Variants in LRP1B observed in about 807,000 individuals in gnomAD.
The protein encoded by LRP1B is LDL receptor related protein 1B.
In LRP1B, 217 loss-of-function variants were observed where a neutral mutation model predicts 556.6. The observed-to-expected ratio is 0.39, with a 90% CI of 0.35 to 0.44. LRP1B has a LOEUF of 0.44. LRP1B is among the 20% of genes least tolerant of loss of function. The pLI is 1.00. For missense variants in LRP1B, 5,053 were observed against 5,620.8 expected (o/e 0.90, Z 3.23); for synonymous variants, 2,047 against 1,865.8 (o/e 1.10, Z -2.50).
At chr2:140,612,367 C>G (rs1477976335) in intron 41 of LRP1B, among the ~76,000 whole-genome samples, 2 of 152,032 alleles carry the variant, frequency 1.3e-5, no homozygotes, top group African/African-American at 4.8e-5. Context: ...ATTTGTATTT[C>G]TTACTAGCAT....
chr2:141,865,186 T>C lies in LRP1B; in HGVS notation c.83-54785A>G, dbSNP rs570383131. ...CATTTTTGTTTGTTTTTCTCTGCATTGTGGTTGTATCTCTCCTCCTTCCCC... is the reference window on the plus strand; with the variant it reads ...CATTTTTGTTTGTTTTTCTCTGCATCGTGGTTGTATCTCTCCTCCTTCCCC... On this transcript the variant is annotated intron_variant, in intron 1 of 90. Coordinates refer to ENST00000389484, the MANE Select transcript of LRP1B (RefSeq NM_018557.3). Among the ~76,000 whole-genome samples, 251 of 152,276 alleles carry C rather than the reference T, an allele frequency of 1.6e-3. 2 individuals carry two copies. Among genetic ancestry groups the C allele is most frequent in the African/African-American group, 5.8e-3 (240 of 41,562 alleles).
chr2:140,722,491 T>G (rs1192644281), intron 35 of LRP1B, among the ~76,000 whole-genome samples: 1 of 152,184 alleles, frequency 6.6e-6, no homozygotes, highest in Non-Finnish European at 1.5e-5. Context: ...ACTCTCCCCT[T>G]CATATCTGGC....
chr2:141,514,453 G>C (rs2105158937), intron 2 of LRP1B, among the ~76,000 whole-genome samples: 1 of 152,248 alleles, frequency 6.6e-6, no homozygotes, highest in Admixed American at 6.5e-5. Context: ...TATTGCATGT[G>C]TTTTGTTGTG....
intron 2 of LRP1B, among the ~76,000 whole-genome samples, chr2:141,538,763 C>T (rs1685148684): frequency 6.6e-6 from 1 of 152,004 alleles, no homozygotes; most frequent in Admixed American, 6.6e-5. Flanking sequence ...TTTAGCCTCC[C>T]AAGTAGCTGG....
intron 1 of LRP1B, among the ~76,000 whole-genome samples, chr2:142,081,774 C>T (rs1323163284): frequency 6.6e-6 from 1 of 152,122 alleles, no homozygotes; most frequent in Admixed American, 6.5e-5. Context: ...CCACCATGCC[C>T]AGCTATTTTT....
chr2:141,465,230 A>T (rs1190929530), intron 3 of LRP1B, among the ~76,000 whole-genome samples: 1 of 152,186 alleles, frequency 6.6e-6, no homozygotes, highest in Non-Finnish European at 1.5e-5. Flanking sequence ...AAAAGGCTCA[A>T]GTGTAAGCTT....
chr2:141,892,979 A>T (rs1248148225), intron 1 of LRP1B, among the ~76,000 whole-genome samples: 2 of 152,248 alleles, frequency 1.3e-5, no homozygotes, highest in East Asian at 3.9e-4. Flanking sequence ...ATTGGAAGAA[A>T]TGTTTTAATC....
intron 1 of LRP1B, among the ~76,000 whole-genome samples, chr2:141,831,457 C>T (rs1697109115): frequency 6.6e-6 from 1 of 151,526 alleles, no homozygotes; most frequent in African/African-American, 2.4e-5. Flanking sequence ...TTTCTGTTCT[C>T]ACAATTCAAA....
At chr2:141,333,859 C>T (rs997913829) in intron 3 of LRP1B, among the ~76,000 whole-genome samples, 2 of 152,050 alleles carry the variant, frequency 1.3e-5, no homozygotes, top group African/African-American at 4.8e-5. Flanking sequence ...GCAGAAGTGT[C>T]TCAGAGTGTG....
chr2:141,925,543 T>C (rs1700312119), intron 1 of LRP1B, among the ~76,000 whole-genome samples: 1 of 152,154 alleles, frequency 6.6e-6, no homozygotes, highest in South Asian at 2.1e-4. Context: ...ATTGTTACAA[T>C]TTGCATCTGA....
At chr2:141,596,807 G>C (rs914355758) in intron 2 of LRP1B, among the ~76,000 whole-genome samples, 1 of 151,812 alleles carries the variant, frequency 6.6e-6, no homozygotes, top group Non-Finnish European at 1.5e-5. Flanking sequence ...TTCATAATAA[G>C]GTAACAGGAA....
At chr2:140,510,835 T>G (rs1396737109) in intron 51 of LRP1B, among the ~76,000 whole-genome samples, 1 of 152,204 alleles carries the variant, frequency 6.6e-6, no homozygotes, top group Admixed American at 6.5e-5. Context: ...AAAGGGTTCC[T>G]CTTTCCTTCC....
rs575598720 is a variant in LRP1B at position 140,255,732 on chromosome 2, CAT to C, written c.13248-8572_13248-8571del. 9.9e-5 allele frequency among the ~76,000 whole-genome samples: 15 copies of C among 152,102 alleles called. No individual in the cohort carries two copies. The East Asian group carries it at 2.9e-3, about 29-fold the overall frequency. On this transcript the variant is annotated intron_variant, in intron 86 of 90. Coordinates refer to ENST00000389484, the MANE Select transcript of LRP1B (RefSeq NM_018557.3). ...AATGCACATACATATACAGAGGTCT[CAT>C]ATATGTGTGCATTCCCTATTCTGCA...
intron 2 of LRP1B, among the ~76,000 whole-genome samples, chr2:141,581,116 A>G (rs927026397): frequency 2.6e-5 from 4 of 152,200 alleles, no homozygotes; most frequent in African/African-American, 9.6e-5. Flanking sequence ...TATGCAAATA[A>G]GGCTTTTTGT....
intron 42 of LRP1B, among the ~76,000 whole-genome samples, chr2:140,600,725 A>G (rs1157148032): frequency 8.6e-6 from 1 of 116,956 alleles, no homozygotes; most frequent in Non-Finnish European, 1.9e-5. Flanking sequence ...AAGTCCATAG[A>G]TAGGTATTTT....
intron 3 of LRP1B, among the ~76,000 whole-genome samples, chr2:141,442,178 T>G (rs1049052753): frequency 5.9e-5 from 9 of 152,166 alleles, no homozygotes; most frequent in Non-Finnish European, 1.5e-5. Context: ...AGTAGCTGAT[T>G]GCAACCATCT....
At chr2:140,988,892 C>T (rs1434467569) in intron 17 of LRP1B, among the ~76,000 whole-genome samples, 1 of 152,060 alleles carries the variant, frequency 6.6e-6, no homozygotes, top group African/African-American at 2.4e-5. Flanking sequence ...TGCTGCTAGT[C>T]AGTATCATTT....
At position 140,985,888 on chromosome 2, in the gene LRP1B, A is replaced by C. The variant is rs565613517; in HGVS notation, c.2771-3612T>G. ...ATTTTTATTTTTGTTTTATCTAAGA[A>C]AAAAATGTATGTACTTACATTTGAA... On this transcript the variant is annotated intron_variant, in intron 17 of 90. Transcript: ENST00000389484. Among the ~76,000 whole-genome samples the C allele has an allele frequency of 1.3e-5, 2 of 152,036 alleles. 1 individual carries two copies. Among genetic ancestry groups the C allele is most frequent in the Admixed American group, 1.3e-4 (2 of 15,236 alleles).
At chr2:141,230,485 A>T (rs1112290) in intron 5 of LRP1B, among the ~76,000 whole-genome samples, 1,662 of 152,350 alleles carry the variant, frequency 0.011, 14 homozygotes, top group Non-Finnish European at 0.015. Flanking sequence ...GCTAAGGCAG[A>T]TAAGGTCAGT....
Sources: allele counts gnomAD v4.1 joint callset (sites outside exome capture counted in the v4.1 genomes callset), GRCh38; gene constraint gnomAD v4.1.1; transcripts MANE v1.5; gene names NCBI Gene and HGNC (gene_info 2026-07-23, HGNC 2026-07-21).